The following ATG7 variants were observed in gnomAD, a reference collection of about 807,000 sequenced individuals.
ATG7 encodes the protein ubiquitin-like modifier-activating enzyme ATG7.
In ATG7, 70 loss-of-function variants were observed where a neutral mutation model predicts 82.4. The observed-to-expected ratio is 0.85, with a 90% CI of 0.70 to 1.04. The LOEUF (loss-of-function observed/expected upper bound fraction) is 1.04. Ranked by LOEUF, ATG7 falls within the 50% of genes least tolerant of loss-of-function variation. The probability of loss-of-function intolerance (pLI) is 0.00; values close to 1 mark genes in which losing one functional copy is unlikely to be tolerated. For missense variants in ATG7, 792 were observed against 864.3 expected, an observed-to-expected ratio of 0.92 and a Z score of 1.05; for synonymous variants, 287 against 313.0, an observed-to-expected ratio of 0.92 and a Z score of 0.88.
intron 20 of ATG7, among the ~76,000 whole-genome samples, chr3:11,472,168 T>C (rs2087616551): frequency 6.6e-6 from 1 of 152,216 alleles, no homozygotes; most frequent in Non-Finnish European, 1.5e-5. Flanking sequence ...GAAAAATTCA[T>C]GGAGAGTTCT....
At chr3:11,395,690 C>T (rs542933202) in intron 19 of ATG7, among the ~76,000 whole-genome samples, 2 of 152,124 alleles carry the variant, frequency 1.3e-5, no homozygotes, top group Admixed American at 6.5e-5. Context: ...CCTGTAATCC[C>T]AGCACTTTGG....
chr3:11,473,670 G>A (rs558179566), intron 20 of ATG7, among the ~76,000 whole-genome samples: 1 of 152,332 alleles, frequency 6.6e-6, no homozygotes, highest in East Asian at 1.9e-4. Context: ...ACTTCTGAGT[G>A]CTGTGTGATA....
At chr3:11,374,172 C>A (rs907466646) in intron 18 of ATG7, among the ~76,000 whole-genome samples, 2 of 152,156 alleles carry the variant, frequency 1.3e-5, no homozygotes, top group African/African-American at 2.4e-5. Context: ...ACGTGAAGAA[C>A]AAAGTTGGAG....
rs552433569 is a variant in ATG7 at position 11,331,387 on chromosome 3, A to C, written c.726A>C (p.Gly242=). 6.2e-7 allele frequency: 1 copy of C among 1,613,866 alleles called. No homozygotes were observed. Among genetic ancestry groups the C allele is most frequent in the East Asian group, 2.2e-5 (1 of 44,878 alleles). Residue 242 remains glycine (G), a synonymous_variant, in exon 10 of 21, where the codon GGA becomes GGC. Coordinates refer to ENST00000693202, the MANE Select transcript of ATG7 (RefSeq NM_001349232.2). The part of the protein sequence containing the change: ...YDPCNLAQYP[G]WPLRNFLVLA... ...CCTGTAACTTAGCCCAGTACCCTGGATGGCCTTTGAGGAATTTTTTGGTCC... is the reference window on the plus strand; with the variant it reads ...CCTGTAACTTAGCCCAGTACCCTGGCTGGCCTTTGAGGAATTTTTTGGTCC...
At chr3:11,522,992 C>T (rs1414124960) in intron 20 of ATG7, among the ~76,000 whole-genome samples, 1 of 152,180 alleles carries the variant, frequency 6.6e-6, no homozygotes, top group East Asian at 1.9e-4. Context: ...AAAATGGACA[C>T]AATGATACCT....
At chr3:11,425,624 C>T (rs2082300204) in intron 19 of ATG7, among the ~76,000 whole-genome samples, 1 of 152,138 alleles carries the variant, frequency 6.6e-6, no homozygotes, top group Non-Finnish European at 1.5e-5. Flanking sequence ...TTACTGTTCT[C>T]CTAGTCTCCT....
intron 20 of ATG7, among the ~76,000 whole-genome samples, chr3:11,444,525 T>C (rs78273652): frequency 0.015 from 2,275 of 152,300 alleles, 59 homozygotes; most frequent in African/African-American, 0.052. Flanking sequence ...CTGTAAGTTA[T>C]TTATCTCATA....
chr3:11,277,899 C>CT (rs1553596427), intron 1 of ATG7, among the ~76,000 whole-genome samples: 1 of 133,488 alleles, frequency 7.5e-6, no homozygotes, highest in Non-Finnish European at 1.6e-5. Flanking sequence ...AGACCCCCCC[C>CT]CCCCCACCAG....
At chr3:11,446,612 A>G in intron 20 of ATG7, 1 of 371,870 alleles carries the variant, frequency 2.7e-6, no homozygotes, top group Non-Finnish European at 5.2e-6. Context: ...GAGGCACATG[A>G]TACATCATGG....
intron 20 of ATG7, among the ~76,000 whole-genome samples, chr3:11,491,166 C>G (rs938839474): frequency 6.6e-6 from 1 of 152,124 alleles, no homozygotes; most frequent in Non-Finnish European, 1.5e-5. Flanking sequence ...AGGCTTTGTT[C>G]GTTTCTTTTT....
At chr3:11,553,568 G>A (rs895880783) in intron 20 of ATG7, among the ~76,000 whole-genome samples, 5 of 152,174 alleles carry the variant, frequency 3.3e-5, no homozygotes, top group African/African-American at 7.2e-5. Flanking sequence ...GTTTCCAGCC[G>A]CACTGAGGAT....
intron 20 of ATG7, among the ~76,000 whole-genome samples, chr3:11,464,852 T>TG (rs1236759214): frequency 6.6e-6 from 1 of 152,178 alleles, no homozygotes; most frequent in African/African-American, 2.4e-5. Flanking sequence ...TCCTAGGACT[T>TG]GGCCCCTTTA....
In ATG7 at chr3:11,555,650, TGCC is replaced by T. The variant is rs2072333735; in HGVS notation, c.*808_*810del. On this transcript the variant is annotated 3_prime_UTR_variant, in exon 21 of 21. Transcript: ENST00000693202. ...AAAGGCCGAGCCTGGGCTGCCTTCC[TGCC>T]CCAGCCGAGGGAGGGGTCAGACGGC... is the stretch of plus-strand genomic sequence containing the variant. The T allele has an allele frequency of 6.6e-6, 1 of 152,236 alleles. No individual in the cohort carries two copies. The highest frequency in any genetic ancestry group is 6.6e-5 in the Admixed American group (1 of 15,244). 9.4% of individuals were successfully genotyped at this position (152,236 alleles called of 1,614,324 possible). A position where few individuals can be genotyped will look rare whatever the true frequency, so the allele number is the denominator to read the frequency against.
At chr3:11,553,396 G>A (rs2072020169) in intron 20 of ATG7, among the ~76,000 whole-genome samples, 1 of 147,568 alleles carries the variant, frequency 6.8e-6, no homozygotes, top group East Asian at 2.1e-4. Flanking sequence ...TTGAATGGGA[G>A]AGTGAAAGAA....
chr3:11,565,956 C>T, the ATG7 span, among the ~76,000 whole-genome samples: 10 of 152,150 alleles, frequency 6.6e-5, no homozygotes, highest in Admixed American at 2.6e-4. The surrounding 1 kb of genome is among the most constrained non-coding windows in gnomAD (Gnocchi z 4.1). Context: ...GACAGAGTAA[C>T]CTTTTTCCGT....
chr3:11,525,076 A>G lies in ATG7; in HGVS notation c.2080-29735A>G, dbSNP rs182081818. Among the ~76,000 whole-genome samples the G allele has an allele frequency of 8.5e-3, 1,273 of 150,518 alleles. 22 individuals carry two copies. The highest frequency in any genetic ancestry group is 0.028 in the African/African-American group (1,139 of 40,058). On this transcript the variant is annotated intron_variant, in intron 20 of 20. Transcript: ENST00000693202. ...ATTTATTTTTGAGACTGGCTCTGTCACCTAGGCTGGAGTGCAGTGGCGCGA... is the reference window on the plus strand; with the variant it reads ...ATTTATTTTTGAGACTGGCTCTGTCGCCTAGGCTGGAGTGCAGTGGCGCGA...
chr3:11,512,528 C>T (rs2092109563), intron 20 of ATG7, among the ~76,000 whole-genome samples: 2 of 152,200 alleles, frequency 1.3e-5, no homozygotes. Flanking sequence ...GGTTCTTGGT[C>T]TCACTGACTT....
At chr3:11,327,902 C>T (rs556639470) in intron 9 of ATG7, among the ~76,000 whole-genome samples, 1 of 152,290 alleles carries the variant, frequency 6.6e-6, no homozygotes, top group Admixed American at 6.5e-5. Flanking sequence ...TCTGAAGGCT[C>T]CCAGGGAAGG....
chr3:11,550,173 T>G (rs1210225940), intron 20 of ATG7, among the ~76,000 whole-genome samples: 2 of 152,032 alleles, frequency 1.3e-5, no homozygotes, highest in Non-Finnish European at 2.9e-5. Flanking sequence ...ATTTTCTCAG[T>G]GGTATCCTTC....
Sources: allele counts gnomAD v4.1 joint callset (sites outside exome capture counted in the v4.1 genomes callset), GRCh38; gene constraint gnomAD v4.1.1; non-coding constraint Gnocchi (gnomAD v3.1); transcripts MANE v1.5; gene names NCBI Gene and HGNC (gene_info 2026-07-23, HGNC 2026-07-21).